METTL15: variants seen among roughly 807,000 people sequenced by gnomAD.
METTL15 encodes methyltransferase 15, mitochondrial 12S rRNA N4-cytidine.
Under a neutral mutation model 38.3 loss-of-function variants are expected in METTL15, and 34 were observed. The ratio of observed to expected loss-of-function variants is 0.89; its 90% CI spans 0.68 to 1.18. The LOEUF is 1.18. METTL15 is among the 50% of genes most tolerant of loss of function. The pLI is 0.00. For synonymous variants in METTL15, 162 were observed against 170.9 expected (o/e 0.95, Z 0.41); for missense variants, 438 against 498.4 (o/e 0.88, Z 1.15).
intron 5 of METTL15, among the ~76,000 whole-genome samples, chr11:28,407,566 A>T (rs1490569830): frequency 6.6e-6 from 1 of 152,236 alleles, no homozygotes; most frequent in Middle Eastern, 3.2e-3. Context: ...TAAAAGCTCA[A>T]CATCACTAAT....
At chr11:28,126,967 A>G (rs563508856) in intron 3 of METTL15, among the ~76,000 whole-genome samples, 11 of 152,244 alleles carry the variant, frequency 7.2e-5, no homozygotes, top group Admixed American at 6.5e-5. Context: ...GAGGAGGGTA[A>G]AGAACATTTC....
At chr11:28,118,205 A>G (rs1335773929) in intron 3 of METTL15, among the ~76,000 whole-genome samples, 1 of 152,048 alleles carries the variant, frequency 6.6e-6, no homozygotes, top group African/African-American at 2.4e-5. Context: ...TTTTTCTTTA[A>G]TACTTGAAAG....
intron 5 of METTL15, among the ~76,000 whole-genome samples, chr11:28,388,037 G>C (rs1850459274): frequency 8.3e-6 from 1 of 120,872 alleles, no homozygotes; most frequent in Non-Finnish European, 2.0e-5. Flanking sequence ...CTAGAAATAG[G>C]AATAAATTAC....
chr11:28,323,210 T>C (rs1351436251), intron 6 of METTL15, among the ~76,000 whole-genome samples: 4 of 152,174 alleles, frequency 2.6e-5, no homozygotes, highest in African/African-American at 9.6e-5. Context: ...CTTTTCTTTT[T>C]TTTAACAATG....
chr11:28,136,855 G>A (rs1299346540), intron 3 of METTL15, among the ~76,000 whole-genome samples: 1 of 151,326 alleles, frequency 6.6e-6, no homozygotes, highest in African/African-American at 2.4e-5. Context: ...GTGATATTAT[G>A]GAATAGAATT....
intron 4 of METTL15, among the ~76,000 whole-genome samples, chr11:28,238,106 G>A (rs1590203903): frequency 6.6e-6 from 1 of 152,200 alleles, no homozygotes; most frequent in Non-Finnish European, 1.5e-5. Flanking sequence ...CTCTAGCTGT[G>A]TGCTGGGAGA....
At chr11:28,350,494 C>T (rs1045276584) in intron 3 of METTL15, among the ~76,000 whole-genome samples, 7 of 152,134 alleles carry the variant, frequency 4.6e-5, no homozygotes, top group Admixed American at 2.6e-4. Context: ...TCCAAGTAAA[C>T]TAAAACAATT....
intron 5 of METTL15, among the ~76,000 whole-genome samples, chr11:28,385,624 G>C (rs1850431667): frequency 6.6e-6 from 1 of 152,024 alleles, no homozygotes; most frequent in African/African-American, 2.4e-5. Flanking sequence ...TGGCTATTTG[G>C]ACCTTTTGTA....
intron 6 of METTL15, among the ~76,000 whole-genome samples, chr11:28,470,225 C>T (rs1851291554): frequency 6.6e-6 from 1 of 152,074 alleles, no homozygotes; most frequent in South Asian, 2.1e-4. Flanking sequence ...TTGCTCAGTC[C>T]TCTTACCCCC....
intron 3 of METTL15, among the ~76,000 whole-genome samples, chr11:28,147,949 T>C (rs1034001639): frequency 2.0e-5 from 3 of 151,834 alleles, no homozygotes; most frequent in African/African-American, 7.2e-5. Context: ...GGTTACTTGG[T>C]TTTTTACCTA....
At chr11:28,364,111 A>G (rs1203659592) in intron 5 of METTL15, among the ~76,000 whole-genome samples, 1 of 152,146 alleles carries the variant, frequency 6.6e-6, no homozygotes, top group Non-Finnish European at 1.5e-5. Flanking sequence ...CAGTCAGGCA[A>G]TGTGATACCT....
At chr11:28,415,127 A>G (rs1399876517) in intron 5 of METTL15, among the ~76,000 whole-genome samples, 1 of 152,232 alleles carries the variant, frequency 6.6e-6, no homozygotes, top group African/African-American at 2.4e-5. Context: ...TAGGGTGAGT[A>G]TGACATAATA....
intron 3 of METTL15, among the ~76,000 whole-genome samples, chr11:28,123,010 A>G (rs1375853380): frequency 6.6e-6 from 1 of 152,158 alleles, no homozygotes; most frequent in African/African-American, 2.4e-5. Context: ...TTACACTCTC[A>G]TGTTTAAAAA....
At chr11:28,400,437 CA>C (rs1850620014) in intron 5 of METTL15, among the ~76,000 whole-genome samples, 1 of 151,956 alleles carries the variant, frequency 6.6e-6, no homozygotes, top group African/African-American at 2.4e-5. Context: ...CTGAGTCCAG[CA>C]CCTCAGATAA....
intron 6 of METTL15, among the ~76,000 whole-genome samples, chr11:28,460,891 C>T (rs1851208211): frequency 6.6e-6 from 1 of 151,910 alleles, no homozygotes; most frequent in South Asian, 2.1e-4. Flanking sequence ...ATACGGATAA[C>T]TTGGAAAAGT....
intron 5 of METTL15, among the ~76,000 whole-genome samples, chr11:28,293,841 G>T (rs908369023): frequency 2.0e-4 from 31 of 152,246 alleles, no homozygotes; most frequent in Non-Finnish European, 4.1e-4. Context: ...GTTCACTCAT[G>T]ATTTGGCTCT....
chr11:28,370,626 G>T (rs11030299), intron 5 of METTL15, among the ~76,000 whole-genome samples: 1 of 151,806 alleles, frequency 6.6e-6, no homozygotes, highest in Non-Finnish European at 1.5e-5. Context: ...TTTGAGAAAC[G>T]TTCATACATT....
At chr11:28,171,045 A>G (rs1380082802) in intron 3 of METTL15, among the ~76,000 whole-genome samples, 1 of 152,102 alleles carries the variant, frequency 6.6e-6, no homozygotes, top group African/African-American at 2.4e-5. Flanking sequence ...TCTTCTGGAG[A>G]AGCTGGCCAC....
intron 4 of METTL15, among the ~76,000 whole-genome samples, chr11:28,289,471 T>TC (rs2133987155): frequency 6.6e-6 from 1 of 152,240 alleles, no homozygotes; most frequent in South Asian, 2.1e-4. Context: ...TGCCCAATTT[T>TC]CTCTTCTCAT....
Sources: allele counts gnomAD v4.1 joint callset (sites outside exome capture counted in the v4.1 genomes callset), GRCh38; gene constraint gnomAD v4.1.1; transcripts MANE v1.5; gene names NCBI Gene and HGNC (gene_info 2026-07-23, HGNC 2026-07-21).